RALGAPA1: variants seen among roughly 807,000 people sequenced by gnomAD.
RALGAPA1 encodes the protein ral GTPase-activating protein subunit alpha-1.
A neutral mutation model predicts 269.6 loss-of-function variants in RALGAPA1; 52 were observed. The observed-to-expected ratio is 0.19, with a 90% CI of 0.15 to 0.24. The LOEUF (loss-of-function observed/expected upper bound fraction) is 0.24, where lower values mean the gene tolerates loss of function less well. RALGAPA1 is among the 10% of genes least tolerant of loss of function. RALGAPA1 has a pLI of 1.00. For missense variants in RALGAPA1, 1,917 were observed against 3,013.9 expected (o/e 0.64, Z 8.52); for synonymous variants, 817 against 1,008.3 (o/e 0.81, Z 3.60).
At chr14:35,707,535 T>C (rs1280679160) in intron 16 of RALGAPA1, 1 of 152,202 alleles carries the variant, frequency 6.6e-6, no homozygotes, top group Non-Finnish European at 1.5e-5. Flanking sequence ...TTTTGCCAAA[T>C]GTTTTTTCTG....
At chr14:35,593,502 A>G (rs1435872160) in intron 37 of RALGAPA1, among the ~76,000 whole-genome samples, 3 of 152,146 alleles carry the variant, frequency 2.0e-5, no homozygotes, top group Non-Finnish European at 4.4e-5. Flanking sequence ...TGGAACCACA[A>G]AAAACCCTCA....
At chr14:35,691,883 G>A (rs2066510349) in intron 17 of RALGAPA1, among the ~76,000 whole-genome samples, 1 of 152,258 alleles carries the variant, frequency 6.6e-6, no homozygotes, top group South Asian at 2.1e-4. Flanking sequence ...TGAGGGGAAT[G>A]TGCAACTTTA....
intron 16 of RALGAPA1, among the ~76,000 whole-genome samples, chr14:35,716,397 CAAAAAAAAAAAAA>C (rs78953823): frequency 2.2e-5 from 1 of 44,620 alleles, no homozygotes; most frequent in Non-Finnish European, 4.7e-5. Context: ...GACTCCGTCT[CAAAAAAAAAAAAA>C]AAAAAAAAAA....
chr14:35,692,065 G>A (rs1033724758), intron 17 of RALGAPA1, among the ~76,000 whole-genome samples: 7 of 151,818 alleles, frequency 4.6e-5, no homozygotes, highest in East Asian at 1.9e-4. Flanking sequence ...TAAATATTTC[G>A]GTTTTTTACA....
chr14:35,626,891 T>A (rs1476339246), intron 34 of RALGAPA1, among the ~76,000 whole-genome samples, 199 bp downstream of exon 34: 1 of 151,996 alleles, frequency 6.6e-6, no homozygotes, highest in African/African-American at 2.4e-5. Context: ...AAAATATTGA[T>A]AATTTGCTGG....
chr14:35,685,879 G>T (rs1426388081), intron 19 of RALGAPA1, among the ~76,000 whole-genome samples: 1 of 152,078 alleles, frequency 6.6e-6, no homozygotes, highest in South Asian at 2.1e-4. Context: ...GCGACAAAGC[G>T]ACACTCTGTC....
chr14:35,807,028 T>C (rs1323857419), intron 1 of RALGAPA1, among the ~76,000 whole-genome samples: 3 of 152,232 alleles, frequency 2.0e-5, no homozygotes, highest in East Asian at 3.8e-4. Context: ...ATTTTCCATG[T>C]CTGCCAGATG....
chr14:35,615,633 T>TA (rs1390808716), intron 35 of RALGAPA1, among the ~76,000 whole-genome samples: 2 of 152,074 alleles, frequency 1.3e-5, no homozygotes, highest in African/African-American at 2.4e-5. Context: ...ATGTAGTGTA[T>TA]AAAAAAATGT....
intron 22 of RALGAPA1, chr14:35,677,699 T>C (rs1566979161): frequency 5.0e-6 from 2 of 402,828 alleles, no homozygotes; most frequent in African/African-American, 4.3e-5. Context: ...TAAATGATAA[T>C]ACAATACTTG....
At chr14:35,663,490 C>T (rs1191454979) in intron 27 of RALGAPA1, among the ~76,000 whole-genome samples, 1 of 151,666 alleles carries the variant, frequency 6.6e-6, no homozygotes, top group Non-Finnish European at 1.5e-5. Flanking sequence ...TCTCTCTCAA[C>T]ACTTCTAATT....
chr14:35,699,656 C>T (rs79934041), intron 17 of RALGAPA1, among the ~76,000 whole-genome samples: 6,148 of 151,766 alleles, frequency 0.041, 360 homozygotes, highest in African/African-American at 0.12. Context: ...AGATTTATTC[C>T]AAAGCAACTT....
intron 39 of RALGAPA1, among the ~76,000 whole-genome samples, chr14:35,551,375 T>C (rs753421922): frequency 1.6e-4 from 25 of 152,162 alleles, no homozygotes; most frequent in Non-Finnish European, 2.9e-4. Flanking sequence ...CTGGCACTGA[T>C]AGTCTTCCAA....
intron 9 of RALGAPA1, among the ~76,000 whole-genome samples, chr14:35,749,642 G>C (rs1334858771): frequency 6.6e-6 from 1 of 152,096 alleles, no homozygotes; most frequent in Non-Finnish European, 1.5e-5. Flanking sequence ...AAAGCAGATA[G>C]TTCTGCTTGA....
intron 1 of RALGAPA1, among the ~76,000 whole-genome samples, chr14:35,777,131 G>A (rs1036428075): frequency 3.9e-5 from 6 of 151,950 alleles, no homozygotes; most frequent in Non-Finnish European, 8.8e-5. Flanking sequence ...AAAATGACAC[G>A]GGGAAATTAA....
At chr14:35,772,353 G>C (rs747191713) in intron 3 of RALGAPA1, among the ~76,000 whole-genome samples, 3 of 152,202 alleles carry the variant, frequency 2.0e-5, no homozygotes, top group Admixed American at 6.5e-5. Context: ...ACTGCACCCG[G>C]ACAGAGAGCA....
chr14:35,675,540 C>T (rs550380334), intron 22 of RALGAPA1, among the ~76,000 whole-genome samples: 7 of 152,238 alleles, frequency 4.6e-5, no homozygotes, highest in South Asian at 2.1e-4. Context: ...ATTTTGCCTA[C>T]GAATACTGGC....
intron 17 of RALGAPA1, among the ~76,000 whole-genome samples, chr14:35,693,509 C>G (rs1438823390): frequency 6.6e-6 from 1 of 151,628 alleles, no homozygotes; most frequent in Non-Finnish European, 1.5e-5. Context: ...TTAAGGGAAA[C>G]CAACTGTGTC....
intron 31 of RALGAPA1, among the ~76,000 whole-genome samples, chr14:35,639,085 T>C (rs7140432): frequency 0.041 from 6,222 of 151,764 alleles, 363 homozygotes; most frequent in African/African-American, 0.12. Flanking sequence ...GACACACATA[T>C]AGTGAAAATA....
At chr14:35,774,093 A>G (rs1319795459) in intron 3 of RALGAPA1, among the ~76,000 whole-genome samples, 1 of 151,790 alleles carries the variant, frequency 6.6e-6, no homozygotes, top group African/African-American at 2.4e-5. Flanking sequence ...AACTTTTTTG[A>G]TTTTTAATAG....
Sources: allele counts gnomAD v4.1 joint callset (sites outside exome capture counted in the v4.1 genomes callset), GRCh38; gene constraint gnomAD v4.1.1; transcripts MANE v1.5; gene names NCBI Gene and HGNC (gene_info 2026-07-23, HGNC 2026-07-21).